DLC1: variants seen among roughly 807,000 people sequenced by gnomAD.
DLC1 encodes the protein rho GTPase-activating protein 7.
A neutral mutation model predicts 140.3 loss-of-function variants in DLC1; 54 were observed. That is an observed-to-expected ratio of 0.38 (90% confidence interval 0.31 to 0.48). The LOEUF (loss-of-function observed/expected upper bound fraction) is 0.48, where lower values mean the gene tolerates loss of function less well. Among genes scored for constraint, DLC1 ranks in the 20% least tolerant of loss-of-function variants. The pLI is 0.96. For missense variants in DLC1, 2,536 were observed against 1,907.0 expected (o/e 1.33, Z -6.14); for synonymous variants, 986 against 728.1 (o/e 1.35, Z -5.70).
At chr8:13,449,658 T>G (rs289636) in intron 2 of DLC1, among the ~76,000 whole-genome samples, 16 of 131,734 alleles carry the variant, frequency 1.2e-4, no homozygotes, top group East Asian at 7.4e-4. Context: ...TATCACACAC[T>G]GGGGCCTGTT....
At position 13,096,761 on chromosome 8, in the gene DLC1, AAC is replaced by A. The variant is rs534849359; in HGVS notation, c.3168-1518_3168-1517del. Among the ~76,000 whole-genome samples the A allele has an allele frequency of 2.2e-4, 34 of 152,338 alleles. No individual in the cohort carries two copies. In the Middle Eastern group the frequency reaches 0.01, roughly 46 times the overall value. On this transcript the variant is annotated intron_variant, in intron 10 of 17. Coordinates refer to ENST00000276297, the MANE Select transcript of DLC1 (RefSeq NM_182643.3). ...GAGAGGAGGAGCTGGAGACAAAAAG[AAC>A]AGTTTCCTTGCTTTGCCGACTTTCT... is the stretch of plus-strand genomic sequence containing the variant.
At position 13,552,090 on chromosome 8, in the gene DLC1, T is replaced by C. The variant is rs546855762; in HGVS notation, c.-125-51894A>G. ...ATATACCTCTTTCTCTCTATATATA[T>C]GTATGTACCTGTCTAGAGGTGTATA... is the stretch of plus-strand genomic sequence containing the variant. On this transcript the variant is annotated intron_variant, in intron 1 of 1. Transcript: ENST00000631382. Among the ~76,000 whole-genome samples the C allele has an allele frequency of 2.4e-3, 310 of 129,866 alleles. 1 individual carries two copies. The highest frequency in any genetic ancestry group is 8.5e-3 in the African/African-American group (299 of 35,196). 85.2% of individuals were successfully genotyped at this position (129,866 alleles called of 152,430 possible). A position where few individuals can be genotyped will look rare whatever the true frequency, so the allele number is the denominator to read the frequency against.
chr8:13,450,134 G>T (rs993032327), intron 2 of DLC1, among the ~76,000 whole-genome samples: 8 of 151,802 alleles, frequency 5.3e-5, no homozygotes, highest in Non-Finnish European at 1.2e-4. Flanking sequence ...TAAATTTATT[G>T]AGTAAAATAG....
At chr8:13,517,320 A>G (rs539159221), upstream of DLC1, among the ~76,000 whole-genome samples, 4 of 152,228 alleles carry the variant, frequency 2.6e-5, no homozygotes, top group East Asian at 7.7e-4. Flanking sequence ...TTCTATTTCT[A>G]TTGGCTTGGG....
intron 4 of DLC1, among the ~76,000 whole-genome samples, chr8:13,387,057 T>G (rs544261777): frequency 6.6e-6 from 1 of 152,058 alleles, no homozygotes; most frequent in African/African-American, 2.4e-5. Flanking sequence ...TAATTCAAAT[T>G]TTTTGATGTT....
At chr8:13,260,529 G>A (rs956053605) in intron 5 of DLC1, among the ~76,000 whole-genome samples, 3 of 152,158 alleles carry the variant, frequency 2.0e-5, no homozygotes, top group African/African-American at 7.2e-5. Context: ...CCATTTTAAT[G>A]TGAAGTTGCA....
At chr8:13,086,033 T>A (rs946748059) in intron 17 of DLC1, 102 bp from the exon 18 acceptor site, 8 of 1,507,958 alleles carry the variant, frequency 5.3e-6, no homozygotes, top group Non-Finnish European at 5.3e-6. Context: ...ATAAAATCTA[T>A]CATTTCCCAT....
At chr8:13,182,483 G>T (rs572440785) in intron 5 of DLC1, among the ~76,000 whole-genome samples, 1 of 152,050 alleles carries the variant, frequency 6.6e-6, no homozygotes, top group African/African-American at 2.4e-5. Context: ...AATTCACCTT[G>T]AATTAATTTT....
intron 1 of DLC1, among the ~76,000 whole-genome samples, chr8:13,594,570 G>T (rs1805625602): frequency 6.6e-6 from 1 of 152,046 alleles, no homozygotes; most frequent in Non-Finnish European, 1.5e-5. Flanking sequence ...TCTCCTTCAT[G>T]TCTGTAACCC....
chr8:13,414,192 T>G lies in DLC1; in HGVS notation c.1024-12573A>C, dbSNP rs557179154. 1.1e-4 allele frequency among the ~76,000 whole-genome samples: 17 copies of G among 152,300 alleles called. No individual in the cohort carries two copies. In the East Asian group the frequency reaches 2.9e-3, roughly 26 times the overall value. ...TGTTGAATTATGAGGAATTAAAAAT[T>G]TTTTGGTACATTCATATATTGACAT... On this transcript the variant is annotated intron_variant, in intron 2 of 17. Transcript: ENST00000276297.
intron 5 of DLC1, among the ~76,000 whole-genome samples, chr8:13,194,731 G>C (rs1470399184): frequency 6.6e-6 from 1 of 152,226 alleles, no homozygotes; most frequent in Non-Finnish European, 1.5e-5. Flanking sequence ...AAGCAGGCTG[G>C]GCATGGAGGC....
intron 1 of DLC1, among the ~76,000 whole-genome samples, chr8:13,599,576 A>G (rs1042572342): frequency 9.9e-5 from 15 of 152,046 alleles, no homozygotes; most frequent in Non-Finnish European, 1.6e-4. Flanking sequence ...AAGAACCTAA[A>G]TATCTAGAAA....
intron 1 of DLC1, among the ~76,000 whole-genome samples, chr8:13,587,946 A>G (rs911012185): frequency 6.6e-6 from 1 of 152,222 alleles, no homozygotes; most frequent in East Asian, 1.9e-4. Flanking sequence ...TATGTTAAAC[A>G]TTTAAAACTT....
intron 4 of DLC1, among the ~76,000 whole-genome samples, chr8:13,363,440 C>G (rs893385468): frequency 5.4e-5 from 8 of 149,146 alleles, no homozygotes; most frequent in African/African-American, 2.0e-4. Context: ...AATTGATTAA[C>G]AACATTGAAG....
chr8:13,483,110 G>A (rs911427478), intron 2 of DLC1, among the ~76,000 whole-genome samples: 7 of 152,100 alleles, frequency 4.6e-5, no homozygotes, highest in East Asian at 1.9e-4. Flanking sequence ...GGCTTCAGGC[G>A]CTCCTCTACT....
chr8:13,422,441 A>C (rs945840192), intron 2 of DLC1, among the ~76,000 whole-genome samples: 5 of 152,016 alleles, frequency 3.3e-5, no homozygotes, highest in African/African-American at 1.2e-4. Flanking sequence ...TGTCTACATA[A>C]TATAGTAATA....
chr8:13,221,844 A>G lies in DLC1; in HGVS notation c.1348+83425T>C, dbSNP rs1249460139. On this transcript the variant is annotated intron_variant, in intron 5 of 17. Coordinates refer to ENST00000276297, the MANE Select transcript of DLC1 (RefSeq NM_182643.3). ...ATAAAATACATCAAAATATTAATAT[A>G]AAATATATTAATATATTAATAAAAT... Among the ~76,000 whole-genome samples the G allele has an allele frequency of 2.1e-5, 3 of 144,848 alleles. No homozygotes were observed. The East Asian group carries it at 5.9e-4, about 28-fold the overall frequency.
At chr8:13,333,617 C>G (rs28722012) in intron 4 of DLC1, among the ~76,000 whole-genome samples, 3 of 151,926 alleles carry the variant, frequency 2.0e-5, no homozygotes, top group Non-Finnish European at 4.4e-5. Flanking sequence ...GGAAATGGCT[C>G]TCCTGCTTGT....
At chr8:13,288,917 C>A (rs948491085) in intron 5 of DLC1, among the ~76,000 whole-genome samples, 1 of 152,168 alleles carries the variant, frequency 6.6e-6, no homozygotes, top group African/African-American at 2.4e-5. Context: ...AAGTTTATAT[C>A]AGTTTTTATG....
Sources: gnomAD v4.1 joint callset for allele counts (sites outside exome capture counted in the v4.1 genomes callset) on GRCh38, gnomAD v4.1.1 for gene constraint, MANE v1.5 for transcripts, NCBI Gene and HGNC (gene_info 2026-07-23, HGNC 2026-07-21) for gene names.